The following MESD variants were observed in gnomAD, a reference collection of about 807,000 sequenced individuals.
MESD encodes the protein mesoderm development LRP chaperone.
In MESD, 7 loss-of-function variants were observed where a neutral mutation model predicts 12.9. The ratio of observed to expected loss-of-function variants is 0.54; its 90% CI spans 0.31 to 1.02. The LOEUF is 1.02. Among genes scored for constraint, MESD ranks in the 50% least tolerant of loss-of-function variants. MESD has a pLI of 0.05. For missense variants in MESD, 342 were observed against 296.7 expected (o/e 1.15, Z -1.12); for synonymous variants, 126 against 115.6 (o/e 1.09, Z -0.58).
chr15:80,956,193 AAAT>A (rs1162671995), intron 3 of MESD, among the ~76,000 whole-genome samples: 4 of 152,062 alleles, frequency 2.6e-5, no homozygotes, highest in African/African-American at 9.7e-5. Context: ...CTGTCTAAAA[AAAT>A]AATAATAAAA....
intron 2 of MESD, 27 bp from the exon 3 acceptor site, chr15:80,979,504 G>A (rs1408645292): frequency 1.2e-6 from 2 of 1,608,976 alleles, no homozygotes; most frequent in Admixed American, 1.7e-5. Flanking sequence ...CAATCAGTCA[G>A]CCAGCACGTA....
At chr15:80,980,308 A>T (rs1475645675) in intron 2 of MESD, among the ~76,000 whole-genome samples, 1 of 152,188 alleles carries the variant, frequency 6.6e-6, no homozygotes. Context: ...ATATTTCCTA[A>T]ACCAGAATAT....
intron 3 of MESD, among the ~76,000 whole-genome samples, chr15:80,969,994 T>C (rs983445081): frequency 1.3e-5 from 2 of 152,200 alleles, no homozygotes; most frequent in Non-Finnish European, 1.5e-5. Context: ...CTGCTTGCTA[T>C]GAGGATGAAG....
In MESD at chr15:80,979,481, G is replaced by A. The variant is rs1451978286; in HGVS notation, c.447-4C>T. On this transcript the variant is annotated splice_region_variant and splice_polypyrimidine_tract_variant and intron_variant, in intron 2 of 2. Transcript: ENST00000261758. ...ACGGTCTGATCCCACAATGAACCTT[G>A]GGCAGAGAGATGCAATCAGTCAGCC... The A allele has an allele frequency of 1.9e-6, 3 of 1,612,036 alleles. No individual in the cohort carries two copies. Among genetic ancestry groups the A allele is most frequent in the Middle Eastern group, 1.7e-4 (1 of 6,044 alleles).
At chr15:80,960,724 G>A (rs570346414) in intron 3 of MESD, among the ~76,000 whole-genome samples, 2 of 152,156 alleles carry the variant, frequency 1.3e-5, no homozygotes, top group African/African-American at 4.8e-5. Flanking sequence ...GACAGGAAAC[G>A]AGTTTAAAAT....
chr15:80,958,767 T>G (rs1407585181), intron 3 of MESD, among the ~76,000 whole-genome samples: 1 of 152,184 alleles, frequency 6.6e-6, no homozygotes, highest in African/African-American at 2.4e-5. Context: ...GTCTTCAATG[T>G]GATCAGGTTG....
exon 5 of MESD, chr15:80,948,321 T>A (rs1039421874): frequency 3.8e-6 from 1 of 264,288 alleles, no homozygotes; most frequent in Non-Finnish European, 7.5e-6. Flanking sequence ...CTCCACACTC[T>A]TGGTCAAATT....
intron 3 of MESD, among the ~76,000 whole-genome samples, chr15:80,960,392 A>G (rs1449533149): frequency 2.7e-5 from 4 of 149,834 alleles, no homozygotes; most frequent in Admixed American, 2.0e-4. Flanking sequence ...AGCACGGAGA[A>G]AAAAAAAAAC....
At chr15:80,986,635 T>C (rs1290213991) in intron 1 of MESD, among the ~76,000 whole-genome samples, 1 of 152,172 alleles carries the variant, frequency 6.6e-6, no homozygotes, top group African/African-American at 2.4e-5. Flanking sequence ...TTATGATCAG[T>C]GTGTTTATGC....
chr15:80,981,369 G>A (rs532767302), intron 2 of MESD, among the ~76,000 whole-genome samples: 3 of 149,938 alleles, frequency 2.0e-5, no homozygotes, highest in South Asian at 2.1e-4. Flanking sequence ...CCGGGAAGGC[G>A]GAGCTTGCAG....
chr15:80,956,691 G>A (rs1416545432), intron 3 of MESD, among the ~76,000 whole-genome samples: 1 of 152,184 alleles, frequency 6.6e-6, no homozygotes, highest in Non-Finnish European at 1.5e-5. Flanking sequence ...TTCTGAGATA[G>A]CCAATTGTTA....
chr15:80,977,930 A>G lies in MESD; in HGVS notation c.*1289T>C, dbSNP rs1396382523. On this transcript the variant is annotated 3_prime_UTR_variant, in exon 3 of 3. Coordinates refer to ENST00000261758, the MANE Select transcript of MESD (RefSeq NM_015154.3). The stretch of plus-strand genomic sequence containing the variant: ...GCAAATGTCCCATCCAAAGCAGAGA[A>G]CTGAGAATGCAGAGGGTGTGGTTCT... The G allele has an allele frequency of 6.6e-6, 1 of 152,268 alleles. No individual in the cohort carries two copies. The highest frequency in any genetic ancestry group is 2.4e-5 in the African/African-American group (1 of 41,446). 9.4% of individuals were successfully genotyped at this position (152,268 alleles called of 1,614,324 possible). A position where few individuals can be genotyped will look rare whatever the true frequency, so the allele number is the denominator to read the frequency against.
chr15:80,947,018 C>G, downstream of MESD: 2 of 1,614,036 alleles, frequency 1.2e-6, no homozygotes, highest in South Asian at 1.1e-5. Flanking sequence ...GGCCCATGGA[C>G]CAGAGTGCTG....
At chr15:80,961,733 G>A (rs1902090705) in intron 3 of MESD, among the ~76,000 whole-genome samples, 1 of 152,150 alleles carries the variant, frequency 6.6e-6, no homozygotes, top group African/African-American at 2.4e-5. Context: ...TCAGATATTG[G>A]CTAAATATAC....
intron 1 of MESD, among the ~76,000 whole-genome samples, chr15:80,986,601 C>A (rs758665845): frequency 1.3e-5 from 2 of 152,114 alleles, no homozygotes; most frequent in African/African-American, 4.8e-5. Flanking sequence ...CCAGTTCTAC[C>A]CTTAGTCTGG....
At chr15:80,948,974 T>C (rs775310157) in intron 4 of MESD, 1 of 1,612,478 alleles carries the variant, frequency 6.2e-7, no homozygotes, top group South Asian at 1.1e-5. Context: ...ACGGTGACTC[T>C]TGGCAGCAGA....
chr15:80,948,626 T>C (rs1469137515), exon 5 of MESD: 3 of 863,418 alleles, frequency 3.5e-6, no homozygotes, highest in Non-Finnish European at 5.7e-6. Flanking sequence ...CAAACACATG[T>C]CAGGCACCAT....
At chr15:80,953,124 C>T (rs1443803783) in intron 3 of MESD, 1 of 455,462 alleles carries the variant, frequency 2.2e-6, no homozygotes, top group Admixed American at 2.4e-5. Flanking sequence ...GGCTTGAGAA[C>T]ACCTGGGCAT....
At chr15:80,980,925 G>A (rs1375898032) in intron 2 of MESD, among the ~76,000 whole-genome samples, 1 of 151,212 alleles carries the variant, frequency 6.6e-6, no homozygotes, top group Non-Finnish European at 1.5e-5. Flanking sequence ...CCAGGTTCAA[G>A]CGATTCTCCT....
Sources: allele counts gnomAD v4.1 joint callset (sites outside exome capture counted in the v4.1 genomes callset), GRCh38; gene constraint gnomAD v4.1.1; transcripts MANE v1.5; gene names NCBI Gene and HGNC (gene_info 2026-07-23, HGNC 2026-07-21).